Variants in ROBO2 observed in about 807,000 individuals in gnomAD.
ROBO2 encodes roundabout homolog 2.
Under a neutral mutation model 160.8 loss-of-function variants are expected in ROBO2, and 53 were observed. The observed-to-expected ratio is 0.33, with a 90% CI of 0.26 to 0.41. ROBO2 has a LOEUF of 0.41. Among genes scored for constraint, ROBO2 ranks in the 10% least tolerant of loss-of-function variants. The pLI, the probability that ROBO2 is intolerant of heterozygous loss-of-function variation, is 1.00. For synonymous variants in ROBO2, 664 were observed against 611.7 expected (o/e 1.09, Z -1.26); for missense variants, 1,577 against 1,722.4 (o/e 0.92, Z 1.49).
At chr3:75,945,909 G>A (rs796748890) in intron 2 of ROBO2, among the ~76,000 whole-genome samples, 1 of 152,090 alleles carries the variant, frequency 6.6e-6, no homozygotes. Flanking sequence ...AATTTAGGCA[G>A]TGGTAATGAG....
intron 4 of ROBO2, among the ~76,000 whole-genome samples, chr3:77,483,679 A>AT (rs1217542293): frequency 6.7e-6 from 1 of 149,474 alleles, no homozygotes; most frequent in Admixed American, 6.7e-5. Context: ...AACAAGTTAC[A>AT]TTTTGTTGTT....
rs1232109623 is a variant in ROBO2, at chr3:77,256,028, A to G, written c.388+157688A>G. Among the ~76,000 whole-genome samples, 3 of 152,228 alleles carry G rather than the reference A, an allele frequency of 2.0e-5. No individual in the cohort carries two copies. In the East Asian group the frequency reaches 5.8e-4, roughly 29 times the overall value. ...AAATGTGTTTGATTCCAAAATGATC[A>G]ATTACAGAAGCATGTGATAGCTAAT... On this transcript the variant is annotated intron_variant, in intron 2 of 25. Transcript: ENST00000461745.
intron 2 of ROBO2, among the ~76,000 whole-genome samples, chr3:76,977,024 C>T (rs1577987316): frequency 1.3e-5 from 2 of 152,198 alleles, no homozygotes; most frequent in East Asian, 3.9e-4. Context: ...TTTAATGCTT[C>T]CATTTGCTAT....
chr3:77,036,878 T>G (rs1019691272), upstream of ROBO2, among the ~76,000 whole-genome samples: 1 of 151,786 alleles, frequency 6.6e-6, no homozygotes, highest in East Asian at 1.9e-4. Flanking sequence ...TTTTTTTTTT[T>G]GCTAAAGCAC....
chr3:77,255,799 A>T (rs1021159329), intron 2 of ROBO2, among the ~76,000 whole-genome samples: 5 of 152,210 alleles, frequency 3.3e-5, no homozygotes, highest in African/African-American at 1.2e-4. Context: ...TCTAGAAAAA[A>T]TTTTAATCTA....
intron 2 of ROBO2, among the ~76,000 whole-genome samples, chr3:77,016,000 A>T (rs1447628378): frequency 6.6e-6 from 1 of 151,810 alleles, no homozygotes; most frequent in Non-Finnish European, 1.5e-5. Flanking sequence ...TTTTTGAGAC[A>T]GAGCCTTGCT....
chr3:77,322,336 C>T (rs921752360), intron 2 of ROBO2, among the ~76,000 whole-genome samples: 8 of 152,110 alleles, frequency 5.3e-5, no homozygotes, highest in African/African-American at 1.7e-4. Context: ...GAGGTGCTCA[C>T]ATATGAAGTA....
Position 76,909,444 on chromosome 3 carries a change from CATA to C in ROBO2, c.110-188567_110-188565del, listed in dbSNP as rs576204502. 2.9e-4 allele frequency among the ~76,000 whole-genome samples: 44 copies of C among 152,204 alleles called. 1 individual carries two copies. The South Asian group carries it at 9.1e-3, about 32-fold the overall frequency. On this transcript the variant is annotated intron_variant, in intron 2 of 26. Coordinates refer to the ROBO2 transcript ENST00000487694. ...GGTTCTGGGGAGGGATAAAAGATGA[CATA>C]ATGAGTACAGTGTTCACTGTTCATG...
At chr3:76,077,860 G>A (rs553425352) in intron 2 of ROBO2, among the ~76,000 whole-genome samples, 10 of 151,886 alleles carry the variant, frequency 6.6e-5, no homozygotes, top group Non-Finnish European at 1.3e-4. Flanking sequence ...GATTTAAGGA[G>A]ACTGTTCAAA....
intron 2 of ROBO2, among the ~76,000 whole-genome samples, chr3:76,806,700 G>A (rs2064751890): frequency 6.6e-6 from 1 of 151,978 alleles, no homozygotes; most frequent in Admixed American, 6.6e-5. Flanking sequence ...GTCTACATTA[G>A]AGAAATCCAC....
At chr3:77,617,368 T>G in intron 21 of ROBO2, 145 bp from the exon 23 acceptor site, 1 of 826,482 alleles carries the variant, frequency 1.2e-6, no homozygotes, top group Middle Eastern at 3.4e-4. Context: ...TGATTTACTG[T>G]GGTGACACCA....
chr3:76,016,579 G>A (rs1638786005), intron 2 of ROBO2, among the ~76,000 whole-genome samples: 1 of 151,838 alleles, frequency 6.6e-6, no homozygotes, highest in Non-Finnish European at 1.5e-5. Flanking sequence ...GCATGAAGAG[G>A]AAGACTGTTT....
At chr3:77,552,657 T>C (rs2092961574) in intron 8 of ROBO2, among the ~76,000 whole-genome samples, 1 of 152,046 alleles carries the variant, frequency 6.6e-6, no homozygotes, top group East Asian at 1.9e-4. Context: ...CTATATTGAT[T>C]TTTACTTGAG....
At position 76,213,776 on chromosome 3, in the gene ROBO2, C is replaced by CAA. The variant is rs201429787; in HGVS notation, c.109+276174_109+276175insAA. Among the ~76,000 whole-genome samples the CAA allele has an allele frequency of 2.9e-3, 440 of 152,082 alleles. 2 individuals are homozygous for CAA. Among genetic ancestry groups the CAA allele is most frequent in the African/African-American group, 0.01 (421 of 41,476 alleles). ...CAAGTTCTTATTAGACATATTTTATCGTTATTAATTTGACATGTATTGAGA... is the reference window on the plus strand; with the variant it reads ...CAAGTTCTTATTAGACATATTTTATCAAGTTATTAATTTGACATGTATTGAGA... On this transcript the variant is annotated intron_variant, in intron 2 of 26. Coordinates refer to the ROBO2 transcript ENST00000487694.
intron 2 of ROBO2, among the ~76,000 whole-genome samples, chr3:77,025,046 A>C (rs1285025931): frequency 1.3e-5 from 2 of 152,090 alleles, no homozygotes; most frequent in Non-Finnish European, 2.9e-5. Flanking sequence ...GTGCTTTCTT[A>C]AAAAAGGCAG....
chr3:76,176,770 CA>C, intron 2 of ROBO2, among the ~76,000 whole-genome samples: 1 of 152,054 alleles, frequency 6.6e-6, no homozygotes, highest in East Asian at 1.9e-4. Context: ...CAACAATATT[CA>C]AAAACCCGTT....
chr3:76,796,729 G>GT (rs2063729069), intron 2 of ROBO2, among the ~76,000 whole-genome samples: 1 of 151,962 alleles, frequency 6.6e-6, no homozygotes, highest in African/African-American at 2.4e-5. Flanking sequence ...AGAGACAAAT[G>GT]TAGACTCTAA....
chr3:77,291,024 T>A (rs2061156328), intron 2 of ROBO2, among the ~76,000 whole-genome samples: 1 of 147,826 alleles, frequency 6.8e-6, no homozygotes, highest in Non-Finnish European at 1.5e-5. Context: ...ACCCCAGACA[T>A]GAAGTAAAAT....
chr3:77,647,317 C>G (rs971269425), exon 26 of ROBO2: 1 of 151,910 alleles, frequency 6.6e-6, no homozygotes, highest in Non-Finnish European at 1.5e-5. Flanking sequence ...AAAACAGTGC[C>G]GAGAGTATGT....
Sources: gnomAD v4.1 joint callset for allele counts (sites outside exome capture counted in the v4.1 genomes callset) on GRCh38, gnomAD v4.1.1 for gene constraint, MANE v1.5 for transcripts, NCBI Gene and HGNC (gene_info 2026-07-23, HGNC 2026-07-21) for gene names.